The following TMEM248 variants were observed in gnomAD, a reference collection of about 807,000 sequenced individuals.
The protein encoded by TMEM248 is UPF0458 protein C7orf42.
Under a neutral mutation model 30.3 loss-of-function variants are expected in TMEM248, and 9 were observed. The observed-to-expected ratio is 0.30, with a 90% confidence interval of 0.18 to 0.52. TMEM248 has a LOEUF of 0.52. Ranked by LOEUF, TMEM248 falls within the 20% of genes least tolerant of loss-of-function variation. The pLI is 0.97. For missense variants in TMEM248, 338 were observed against 403.3 expected, an observed-to-expected ratio of 0.84 and a Z score of 1.39; for synonymous variants, 184 against 154.4, an observed-to-expected ratio of 1.19 and a Z score of -1.42.
chr7:66,923,420 G>GGC (rs1236784614), intron 1 of TMEM248, among the ~76,000 whole-genome samples: 1 of 152,160 alleles, frequency 6.6e-6, no homozygotes, highest in Non-Finnish European at 1.5e-5. Context: ...GGAAGTATAG[G>GGC]TGTGAGCCAC....
rs2129218994 is a variant in TMEM248, at chr7:66,921,240, T to G, written c.-240T>G. ...TTTTTTTTTCACCCGGAAACCGCGG[T>G]TGCCGGAGCCCGAACTGAGGCGGCG... On this transcript the variant is annotated 5_prime_UTR_variant, in exon 1 of 7. Coordinates refer to ENST00000341567, the MANE Select transcript of TMEM248 (RefSeq NM_017994.5). The G allele has an allele frequency of 6.9e-6, 1 of 145,926 alleles. No individual in the cohort carries two copies. The highest frequency in any genetic ancestry group is 2.5e-5 in the African/African-American group (1 of 39,924). 9.0% of individuals were successfully genotyped at this position (145,926 alleles called of 1,614,324 possible).
At chr7:66,953,507 A>G in intron 6 of TMEM248, 138 bp downstream of exon 6, 1 of 1,227,852 alleles carries the variant, frequency 8.1e-7, no homozygotes, top group South Asian at 1.5e-5. Flanking sequence ...GTATCCGAGG[A>G]GGATTGGTTC....
intron 1 of TMEM248, among the ~76,000 whole-genome samples, chr7:66,937,853 G>A (rs1443650901): frequency 2.0e-5 from 3 of 152,038 alleles, no homozygotes; most frequent in African/African-American, 7.2e-5. Flanking sequence ...TGGGATTATA[G>A]GCATGCACCA....
chr7:66,924,786 T>C (rs560617529), intron 1 of TMEM248, among the ~76,000 whole-genome samples: 7 of 152,202 alleles, frequency 4.6e-5, no homozygotes, highest in Admixed American at 1.3e-4. Context: ...CCTCGGTCAC[T>C]GCAACCTTCG....
At chr7:66,925,125 A>G (rs1791490143) in intron 1 of TMEM248, among the ~76,000 whole-genome samples, 1 of 151,870 alleles carries the variant, frequency 6.6e-6, no homozygotes, top group Non-Finnish European at 1.5e-5. Context: ...GGCTCAAGTC[A>G]TACTCCTGCC....
Position 66,953,210 on chromosome 7 carries a change from T to TC in TMEM248, c.781-15dup. 3.1e-6 allele frequency: 5 copies of TC among 1,613,152 alleles called. No individual in the cohort carries two copies. Among genetic ancestry groups the TC allele is most frequent in the Non-Finnish European group, 4.2e-6 (5 of 1,179,772 alleles). On this transcript the variant is annotated splice_polypyrimidine_tract_variant and intron_variant, in intron 5 of 6. Transcript: ENST00000341567. Reference sequence around the variant, plus strand: ...CAGAGCAGATGTTTCTGATTTTTTTTCTCTTCTTTATTTAGGATGACCGTT... The same window carrying TC: ...CAGAGCAGATGTTTCTGATTTTTTTTCCTCTTCTTTATTTAGGATGACCGTT...
At chr7:66,922,284 G>C (rs1309941867) in intron 1 of TMEM248, 1 of 152,200 alleles carries the variant, frequency 6.6e-6, no homozygotes, top group Non-Finnish European at 1.5e-5. Flanking sequence ...GAAAAACTCC[G>C]AGACTGCTGA....
chr7:66,926,682 C>G lies in TMEM248; in HGVS notation c.-19+5221C>G, dbSNP rs571139077. ...AAAGAAAGAAAAATGGACAAAGAACCTTGGCCTTTCTTTAAAATGAAAAAA... is the reference window on the plus strand; with the variant it reads ...AAAGAAAGAAAAATGGACAAAGAACGTTGGCCTTTCTTTAAAATGAAAAAA... On this transcript the variant is annotated intron_variant, in intron 1 of 6. Transcript: ENST00000341567. 7.9e-5 allele frequency among the ~76,000 whole-genome samples: 12 copies of G among 151,598 alleles called. No individual in the cohort carries two copies. The South Asian group carries it at 1.9e-3, about 24-fold the overall frequency.
chr7:66,945,172 C>T lies in TMEM248; in HGVS notation c.356C>T (p.Thr119Ile). The T allele has an allele frequency of 6.2e-7, 1 of 1,614,220 alleles. No individual in the cohort carries two copies. Among genetic ancestry groups the T allele is most frequent in the East Asian group, 2.2e-5 (1 of 44,886 alleles). ...PVNISVSITL[T>I]LDPLKPFGGY... ...AATATCTCAGTCTCAATCACCCTAA[C>T]CCTGGACCCACTGAAACCCTTCGGA... is the stretch of plus-strand genomic sequence containing the variant. The change falls in exon 3 of 7, where the codon ACC (threonine) becomes ATC (isoleucine). Residue 119 changes from threonine (T) to isoleucine (I), a missense_variant. Thr to Ile is a moderately conservative substitution (Grantham distance 89, BLOSUM62 -1). Transcript: ENST00000341567.
chr7:66,937,455 T>C (rs985865007), intron 1 of TMEM248, among the ~76,000 whole-genome samples: 1 of 152,260 alleles, frequency 6.6e-6, no homozygotes, highest in African/African-American at 2.4e-5. Flanking sequence ...AAGCAGAGTG[T>C]TGAAGTCTCC....
intron 1 of TMEM248, among the ~76,000 whole-genome samples, chr7:66,940,948 T>G (rs1259698363): frequency 2.6e-5 from 4 of 152,192 alleles, no homozygotes; most frequent in African/African-American, 4.8e-5. Context: ...GTATTTATTA[T>G]AGAATATTTA....
intron 1 of TMEM248, among the ~76,000 whole-genome samples, chr7:66,928,897 T>C (rs1364471786): frequency 6.6e-6 from 1 of 152,092 alleles, no homozygotes; most frequent in Non-Finnish European, 1.5e-5. Flanking sequence ...CGGTGATCCC[T>C]CCACCTCAGC....
intron 1 of TMEM248, among the ~76,000 whole-genome samples, chr7:66,938,108 TATTC>T (rs1293532038): frequency 3.9e-5 from 6 of 152,320 alleles, no homozygotes; most frequent in African/African-American, 1.4e-4. Flanking sequence ...CTGGTTTTTT[TATTC>T]ATTCAGCCAC....
At chr7:66,937,161 T>G (rs1271272203) in intron 1 of TMEM248, among the ~76,000 whole-genome samples, 1 of 152,222 alleles carries the variant, frequency 6.6e-6, no homozygotes, top group Non-Finnish European at 1.5e-5. Context: ...CTTCTTAATT[T>G]CTTGATTGAC....
At chr7:66,923,229 T>C (rs1218857275) in intron 1 of TMEM248, among the ~76,000 whole-genome samples, 2 of 152,016 alleles carry the variant, frequency 1.3e-5, no homozygotes, top group Non-Finnish European at 2.9e-5. Context: ...CACTGCAACC[T>C]CTGCCTCTCA....
In TMEM248 at chr7:66,956,539, G is replaced by A. The variant is rs1434310570; in HGVS notation, c.*1017G>A. 1 of 152,004 alleles carries A rather than the reference G, an allele frequency of 6.6e-6. No homozygotes were observed. The highest frequency in any genetic ancestry group is 1.9e-4 in the East Asian group (1 of 5,196). The allele number at this position is 152,004 out of a possible 1,614,324, so 9.4% of individuals were successfully genotyped here. On this transcript the variant is annotated 3_prime_UTR_variant, in exon 7 of 7. Coordinates refer to ENST00000341567, the MANE Select transcript of TMEM248 (RefSeq NM_017994.5). ...CCTTTTGTTTTGCTTTTATTTTCATGCTACTAACATATCTTCAGAAGGAAA... is the reference window on the plus strand; with the variant it reads ...CCTTTTGTTTTGCTTTTATTTTCATACTACTAACATATCTTCAGAAGGAAA...
At position 66,945,154 on chromosome 7, in the gene TMEM248, C is replaced by T; in HGVS notation, c.338C>T (p.Ser113Leu). The T allele has an allele frequency of 1.2e-6, 2 of 1,614,218 alleles. No homozygotes were observed. The highest frequency in any genetic ancestry group is 1.7e-6 in the Non-Finnish European group (2 of 1,180,050). ...GAGGACTCGGGCCCGGTGAATATCT[C>T]AGTCTCAATCACCCTAACCCTGGAC... is the stretch of plus-strand genomic sequence containing the variant. The part of the protein sequence containing the change: ...ALEDSGPVNI[S>L]VSITLTLDPL... The change falls in exon 3 of 7, where the codon TCA (serine) becomes TTA (leucine). Residue 113 changes from serine (S) to leucine (L), a missense_variant. Transcript: ENST00000341567.
At chr7:66,949,044 C>T (rs750846652) in intron 4 of TMEM248, among the ~76,000 whole-genome samples, 2 of 151,238 alleles carry the variant, frequency 1.3e-5, no homozygotes, top group South Asian at 2.1e-4. Flanking sequence ...CTCAGGCCTG[C>T]GATCCCAGCA....
At chr7:66,923,766 G>T (rs541458450) in intron 1 of TMEM248, among the ~76,000 whole-genome samples, 4 of 152,086 alleles carry the variant, frequency 2.6e-5, no homozygotes, top group Non-Finnish European at 5.9e-5. Context: ...CTGCCTTCTG[G>T]GTTCAAGCGA....
Sources: allele counts gnomAD v4.1 joint callset (sites outside exome capture counted in the v4.1 genomes callset), GRCh38; gene constraint gnomAD v4.1.1; transcripts MANE v1.5; gene names NCBI Gene and HGNC (gene_info 2026-07-23, HGNC 2026-07-21).